Variants in SUN5 observed in about 807,000 individuals in gnomAD.
The protein encoded by SUN5 is SUN domain-containing protein 5.
SUN5 carries 44 observed loss-of-function variants against 53.7 expected under a neutral mutation model. That is an observed-to-expected ratio of 0.82 (90% confidence interval 0.64 to 1.05). SUN5 has a LOEUF of 1.05. SUN5 is among the 50% of genes least tolerant of loss of function. The probability of loss-of-function intolerance (pLI) is 0.00; values close to 1 mark genes in which losing one functional copy is unlikely to be tolerated. For synonymous variants in SUN5, 166 were observed against 179.8 expected, an observed-to-expected ratio of 0.92 and a Z score of 0.62; for missense variants, 433 against 483.8, an observed-to-expected ratio of 0.90 and a Z score of 0.98.
intron 10 of SUN5, among the ~76,000 whole-genome samples, chr20:32,986,866 G>C (rs1448186477): frequency 1.3e-5 from 2 of 152,156 alleles, no homozygotes; most frequent in Non-Finnish European, 2.9e-5. Context: ...TGCTTGGCCT[G>C]TGCCCCTGCG....
intron 8 of SUN5, among the ~76,000 whole-genome samples, chr20:32,993,382 C>T (rs11699331): frequency 0.012 from 1,780 of 152,224 alleles, 13 homozygotes; most frequent in Middle Eastern, 0.044. Flanking sequence ...GGGTATTTGA[C>T]GATTCTAGGC....
intron 9 of SUN5, among the ~76,000 whole-genome samples, chr20:32,989,086 C>T (rs1027882222): frequency 2.1e-4 from 32 of 152,038 alleles, no homozygotes; most frequent in Non-Finnish European, 4.1e-4. Context: ...CCACCACGCT[C>T]AGCTAATTTT....
chr20:32,996,639 T>C (rs1040459481), intron 6 of SUN5, among the ~76,000 whole-genome samples: 4 of 103,484 alleles, frequency 3.9e-5, no homozygotes, highest in African/African-American at 1.5e-4. Context: ...ACTCCCCAAC[T>C]TCCCCCATCT....
intron 9 of SUN5, among the ~76,000 whole-genome samples, chr20:32,989,231 C>T (rs1265919277): frequency 1.3e-5 from 2 of 152,212 alleles, no homozygotes; most frequent in Non-Finnish European, 2.9e-5. Context: ...GGCCGAAGCA[C>T]TGATTCTTGA....
chr20:32,986,186 T>C (rs1038542853), intron 10 of SUN5, among the ~76,000 whole-genome samples: 7 of 152,344 alleles, frequency 4.6e-5, no homozygotes, highest in Middle Eastern at 3.4e-3. Flanking sequence ...CACTCACTCA[T>C]TCATTCATTC....
intron 4 of SUN5, among the ~76,000 whole-genome samples, chr20:33,000,540 G>C (rs1989973535): frequency 6.6e-6 from 1 of 152,198 alleles, no homozygotes; most frequent in Non-Finnish European, 1.5e-5. Context: ...AATGGGGCAG[G>C]CCCTCCAGGC....
chr20:33,003,980 A>T (rs1305767413), intron 1 of SUN5, among the ~76,000 whole-genome samples: 1 of 152,220 alleles, frequency 6.6e-6, no homozygotes. Context: ...CGTGAGCTCC[A>T]TGAGGGAACG....
At chr20:32,999,980 AC>A in intron 5 of SUN5, 93 bp downstream of exon 5, 1 of 1,561,108 alleles carries the variant, frequency 6.4e-7, no homozygotes, top group Non-Finnish European at 8.7e-7. Context: ...AAACTGAGTC[AC>A]GTGGCAGTGC....
At position 33,004,016 on chromosome 20, in the gene SUN5, G is replaced by A. The variant is rs374154999; in HGVS notation, c.77+248C>T. Among the ~76,000 whole-genome samples, 5 of 152,298 alleles carry A rather than the reference G, an allele frequency of 3.3e-5. No individual in the cohort carries two copies. In the East Asian group the frequency reaches 5.8e-4, roughly 18 times the overall value. On this transcript the variant is annotated intron_variant, in intron 1 of 12. Transcript: ENST00000356173. ...GAGCACATCAGACTGGTGCCACACC[G>A]TGTTCCCCGTCCTCTGTGCATTTCC...
chr20:32,993,461 G>A (rs375569193), intron 8 of SUN5, among the ~76,000 whole-genome samples: 18 of 152,340 alleles, frequency 1.2e-4, no homozygotes, highest in African/African-American at 4.3e-4. Context: ...AGGAAGCAAA[G>A]TTCTTAATGG....
Position 33,002,902 on chromosome 20 carries a change from C to T in SUN5, c.95G>A (p.Arg32Gln), listed in dbSNP as rs149962354. 1.3e-4 allele frequency: 215 copies of T among 1,614,034 alleles called. No homozygotes were observed. The highest frequency in any genetic ancestry group is 1.7e-4 in the Non-Finnish European group (202 of 1,180,050). The change falls in exon 2 of 13, where the codon CGG (arginine) becomes CAG (glutamine). Residue 32 changes from arginine (R) to glutamine (Q), a missense_variant. By Grantham distance (43) the Arg-to-Gln change is conservative (BLOSUM62 1). Coordinates refer to ENST00000356173, the MANE Select transcript of SUN5 (RefSeq NM_080675.4). ...PRPRRIAQRG[R>Q]NTSRMAEDTS... ...GTCCTCTGCCATCCTGCTGGTGTTC[C>T]GGCCTCGCTGGGCAATCCTGGGGAT...
Position 33,001,550 on chromosome 20 carries a change from CT to C in SUN5, c.212-273del, listed in dbSNP as rs1555876513. On this transcript the variant is annotated intron_variant, in intron 3 of 12. Coordinates refer to ENST00000356173, the MANE Select transcript of SUN5 (RefSeq NM_080675.4). ...TCTTTCTTTCTTTCTTTCTTTCTTTCTTTCTTTCTTTCTTTTCTTCCTTCCT... is the reference window on the plus strand; with the variant it reads ...TCTTTCTTTCTTTCTTTCTTTCTTTCTTCTTTCTTTCTTTTCTTCCTTCCT... 5.4e-3 allele frequency among the ~76,000 whole-genome samples: 756 copies of C among 139,134 alleles called. 9 individuals carry two copies. The highest frequency in any genetic ancestry group is 0.023 in the African/African-American group (705 of 31,120). 91.3% of individuals were successfully genotyped at this position (139,134 alleles called of 152,430 possible).
At chr20:32,993,168 G>A (rs2146330412) in intron 8 of SUN5, among the ~76,000 whole-genome samples, 1 of 152,332 alleles carries the variant, frequency 6.6e-6, no homozygotes, top group South Asian at 2.1e-4. Flanking sequence ...GCTGCTGTGG[G>A]AAATCACCAA....
At chr20:32,990,483 T>C (rs938768313) in intron 8 of SUN5, among the ~76,000 whole-genome samples, 3 of 152,124 alleles carry the variant, frequency 2.0e-5, no homozygotes, top group African/African-American at 7.2e-5. Context: ...GGGTCTAAGC[T>C]CCCTTCCCAC....
intron 3 of SUN5, among the ~76,000 whole-genome samples, chr20:33,001,671 C>CCTTCT (rs1990047055): frequency 7.8e-6 from 1 of 128,120 alleles, no homozygotes; most frequent in African/African-American, 2.9e-5. Context: ...CCCTCCCTTC[C>CCTTCT]TTCCTTCTTT....
chr20:32,997,618 T>G lies in SUN5; in HGVS notation c.390+20A>C. ...GGTGAGACCTGTCAGCTGTGGGGCC[T>G]GAGGAGGGTGCACACTCACCTGCCA... On this transcript the variant is annotated intron_variant, in intron 6 of 12. Transcript: ENST00000356173. The G allele has an allele frequency of 6.2e-7, 1 of 1,613,662 alleles. No homozygotes were observed. Among genetic ancestry groups the G allele is most frequent in the Non-Finnish European group, 8.5e-7 (1 of 1,179,752 alleles).
rs537807011 is a variant in SUN5 at position 33,003,006 on chromosome 20, A to C, written c.78-87T>G. 457 of 1,478,508 alleles carry C rather than the reference A, an allele frequency of 3.1e-4. 2 individuals are homozygous for C. The African/African-American group carries it at 5.9e-3, about 19-fold the overall frequency. The allele number at this position is 1,478,508 out of a possible 1,614,324, so 91.6% of individuals were successfully genotyped here. On this transcript the variant is annotated intron_variant, in intron 1 of 12. Transcript: ENST00000356173. ...TGTGCATACCACGTTCCAGATTGGG[A>C]AACTGAGGTACAGAGAAGGTTTCCC... is the stretch of plus-strand genomic sequence containing the variant.
chr20:32,988,375 G>A (rs910539707), intron 9 of SUN5, among the ~76,000 whole-genome samples: 2 of 152,084 alleles, frequency 1.3e-5, no homozygotes, highest in African/African-American at 2.4e-5. Context: ...TGCGTTGGGG[G>A]CAGCCTGCGG....
intron 10 of SUN5, among the ~76,000 whole-genome samples, chr20:32,986,330 CA>C (rs1288516328): frequency 6.6e-6 from 1 of 152,190 alleles, no homozygotes; most frequent in Non-Finnish European, 1.5e-5. Context: ...CAGGGCCATG[CA>C]GAGCTGGAAG....
Sources: allele counts gnomAD v4.1 joint callset (sites outside exome capture counted in the v4.1 genomes callset), GRCh38; gene constraint gnomAD v4.1.1; transcripts MANE v1.5; gene names NCBI Gene and HGNC (gene_info 2026-07-23, HGNC 2026-07-21).